GCNT4: variants seen among roughly 807,000 people sequenced by gnomAD.
GCNT4 encodes the protein glucosaminyl (N-acetyl) transferase 4, also known as beta-1,3-galactosyl-O-glycosyl-glycoprotein beta-1,6-N-acetylglucosaminyltransferase 4.
A neutral mutation model predicts 31.3 loss-of-function variants in GCNT4; 17 were observed. That is an observed-to-expected ratio of 0.54 (90% CI 0.37 to 0.81). The LOEUF (loss-of-function observed/expected upper bound fraction) is 0.81, where lower values mean the gene tolerates loss of function less well. Among genes scored for constraint, GCNT4 ranks in the 40% least tolerant of loss-of-function variants. The pLI is 0.00. For synonymous variants in GCNT4, 158 were observed against 190.6 expected, an observed-to-expected ratio of 0.83 and a Z score of 1.41; for missense variants, 503 against 525.5, an observed-to-expected ratio of 0.96 and a Z score of 0.42.
intron 2 of GCNT4, among the ~76,000 whole-genome samples, chr5:75,049,076 T>G (rs1332283918): frequency 1.3e-5 from 2 of 152,248 alleles, no homozygotes; most frequent in Middle Eastern, 3.2e-3. Context: ...GATGGCCTGT[T>G]TCTCAGTAAA....
rs775730634 is a variant in GCNT4 at position 75,029,554 on chromosome 5, T to G, written c.484A>C (p.Ile162Leu). 1 of 1,614,100 alleles carries G rather than the reference T, an allele frequency of 6.2e-7. No individual in the cohort carries two copies. Among genetic ancestry groups the G allele is most frequent in the African/African-American group, 1.3e-5 (1 of 74,960 alleles). Residue 162 changes from isoleucine (I) to leucine (L), a missense_variant, in exon 4 of 4, where the codon ATC becomes CTC. Ile to Leu is a conservative substitution (Grantham distance 5). Coordinates refer to ENST00000652361, the MANE Select transcript of GCNT4 (RefSeq NM_001366737.1). ...AIYNQHNIYC[I>L]HYDRKAPDTF... ...TCAGGTGCCTTACGATCATAATGGATGCAGTAAATATTGTGCTGGTTGTAT... is the reference window on the plus strand; with the variant it reads ...TCAGGTGCCTTACGATCATAATGGAGGCAGTAAATATTGTGCTGGTTGTAT...
At chr5:75,024,560 T>C (rs967388098), downstream of GCNT4, among the ~76,000 whole-genome samples, 5 of 152,176 alleles carry the variant, frequency 3.3e-5, no homozygotes, top group South Asian at 1.0e-3. Flanking sequence ...CTCAGCTCAG[T>C]AGAGCTGGGA....
At position 75,040,897 on chromosome 5, in the gene GCNT4, C is replaced by T. The variant is rs73765653; in HGVS notation, c.-2+7000G>A. On this transcript the variant is annotated intron_variant, in intron 3 of 3. Coordinates refer to ENST00000652361, the MANE Select transcript of GCNT4 (RefSeq NM_001366737.1). Reference sequence around the variant, plus strand: ...GTTTCAGAATTATGTAGACAAACACCTGTCTTGGATTTTGAGAGACAGGAA... The same window carrying T: ...GTTTCAGAATTATGTAGACAAACACTTGTCTTGGATTTTGAGAGACAGGAA... Among the ~76,000 whole-genome samples the T allele has an allele frequency of 8.9e-3, 1,353 of 152,208 alleles. 17 individuals carry two copies. The highest frequency in any genetic ancestry group is 0.029 in the African/African-American group (1,193 of 41,494).
intron 3 of GCNT4, among the ~76,000 whole-genome samples, chr5:75,036,024 G>A (rs893648035): frequency 2.1e-4 from 32 of 151,840 alleles, no homozygotes; most frequent in Admixed American, 1.3e-3. Context: ...CAGGGCCCCC[G>A]TCCATAACAA....
At chr5:75,053,167 G>A (rs1215699421), upstream of GCNT4, among the ~76,000 whole-genome samples, 4 of 151,790 alleles carry the variant, frequency 2.6e-5, no homozygotes, top group Admixed American at 6.6e-5. Flanking sequence ...CTGGCCGCAG[G>A]CGGCGGCTGC....
At chr5:75,018,625 G>T in the GCNT4 span, among the ~76,000 whole-genome samples, 1 of 152,106 alleles carries the variant, frequency 6.6e-6, no homozygotes, top group African/African-American at 2.4e-5. Context: ...GAGTGAATTA[G>T]ATCTTCTGAC....
At chr5:75,040,432 A>G (rs1164327794) in intron 3 of GCNT4, among the ~76,000 whole-genome samples, 2 of 152,216 alleles carry the variant, frequency 1.3e-5, no homozygotes, top group Non-Finnish European at 2.9e-5. Context: ...TATTAAAGAC[A>G]TCCATACCTG....
intron 3 of GCNT4, among the ~76,000 whole-genome samples, chr5:75,037,552 C>A (rs191729889): frequency 6.6e-6 from 1 of 152,236 alleles, no homozygotes; most frequent in Non-Finnish European, 1.5e-5. Context: ...AAAAGATTTT[C>A]TATTCTCTTT....
the GCNT4 span, among the ~76,000 whole-genome samples, chr5:75,018,440 C>T: frequency 6.6e-6 from 1 of 152,038 alleles, no homozygotes; most frequent in African/African-American, 2.4e-5. Context: ...TGCCACCACG[C>T]CCAGCTAATT....
Position 75,025,479 on chromosome 5 carries a change from C to T in GCNT4, c.*3197G>A, listed in dbSNP as rs2149945492. 1 of 152,056 alleles carries T rather than the reference C, an allele frequency of 6.6e-6. No homozygotes were observed. Among genetic ancestry groups the T allele is most frequent in the East Asian group, 1.9e-4 (1 of 5,176 alleles). 9.4% of individuals were successfully genotyped at this position (152,056 alleles called of 1,614,324 possible). ...CTGTATTTCAAAAATGATAAGAAAA[C>T]AAAATAGGAGATTTAGAGACCAGTC... On this transcript the variant is annotated 3_prime_UTR_variant, in exon 4 of 4. Coordinates refer to ENST00000652361, the MANE Select transcript of GCNT4 (RefSeq NM_001366737.1).
rs1459740090 is a variant in GCNT4, at chr5:75,025,663, T to G, written c.*3013A>C. On this transcript the variant is annotated 3_prime_UTR_variant, in exon 4 of 4. Transcript: ENST00000652361. The stretch of plus-strand genomic sequence containing the variant: ...ATATGTCAAAATATATGCAAGTATA[T>G]CTTCACATTCTGATGGGCAAGATAA... 6.6e-6 allele frequency: 1 copy of G among 152,226 alleles called. No homozygotes were observed. The highest frequency in any genetic ancestry group is 1.5e-5 in the Non-Finnish European group (1 of 68,046). The allele number at this position is 152,226 out of a possible 1,614,324, so 9.4% of individuals were successfully genotyped here.
intron 3 of GCNT4, among the ~76,000 whole-genome samples, chr5:75,038,655 G>C (rs971554449): frequency 6.6e-6 from 1 of 152,138 alleles, no homozygotes; most frequent in Non-Finnish European, 1.5e-5. Context: ...GACGGGCAAA[G>C]GGGGGGAGAG....
At chr5:75,050,036 C>G (rs1743533425) in intron 2 of GCNT4, among the ~76,000 whole-genome samples, 1 of 152,196 alleles carries the variant, frequency 6.6e-6, no homozygotes, top group Admixed American at 6.5e-5. Flanking sequence ...GGTGTGGTGC[C>G]GTTTCAGAGA....
At chr5:75,053,219 C>T, upstream of GCNT4, among the ~76,000 whole-genome samples, 1 of 151,562 alleles carries the variant, frequency 6.6e-6, no homozygotes, top group Non-Finnish European at 1.5e-5. Context: ...AGGCGCGCGC[C>T]GGGTCGCCCA....
intron 3 of GCNT4, among the ~76,000 whole-genome samples, chr5:75,035,648 G>T (rs1002379062): frequency 3.3e-5 from 5 of 152,126 alleles, no homozygotes; most frequent in African/African-American, 1.2e-4. Flanking sequence ...CTCCTCACCG[G>T]GTGTGACCTC....
chr5:75,023,348 C>A (rs1003380524), downstream of GCNT4, among the ~76,000 whole-genome samples: 4 of 152,128 alleles, frequency 2.6e-5, no homozygotes, highest in East Asian at 5.8e-4. Context: ...ATCAACCAAG[C>A]ATCCTGCACA....
At chr5:75,046,024 T>C (rs971007143) in intron 3 of GCNT4, among the ~76,000 whole-genome samples, 1 of 152,250 alleles carries the variant, frequency 6.6e-6, no homozygotes, top group African/African-American at 2.4e-5. Context: ...CAACATCAGT[T>C]GAAATGATGT....
chr5:75,032,176 T>A (rs924287056), intron 3 of GCNT4, among the ~76,000 whole-genome samples: 6 of 152,140 alleles, frequency 3.9e-5, no homozygotes, highest in African/African-American at 1.4e-4. Flanking sequence ...TCGTCTCTCC[T>A]CTGTGGACTG....
At chr5:75,018,481 C>G in the GCNT4 span, among the ~76,000 whole-genome samples, 2 of 152,042 alleles carry the variant, frequency 1.3e-5, no homozygotes, top group Non-Finnish European at 2.9e-5. Flanking sequence ...GGGGTTTCAC[C>G]ATTTTGGTCA....
Sources: allele counts gnomAD v4.1 joint callset (sites outside exome capture counted in the v4.1 genomes callset), GRCh38; gene constraint gnomAD v4.1.1; transcripts MANE v1.5; gene names NCBI Gene and HGNC (gene_info 2026-07-23, HGNC 2026-07-21).